Variants in SBF2 observed in about 807,000 individuals in gnomAD.
The protein encoded by SBF2 is myotubularin-related protein 13.
In SBF2, 112 loss-of-function variants were observed where a neutral mutation model predicts 225.2. The observed-to-expected ratio is 0.50, with a 90% CI of 0.43 to 0.58. SBF2 has a LOEUF of 0.58. Among genes scored for constraint, SBF2 ranks in the 20% least tolerant of loss-of-function variants. The pLI is 0.00. For synonymous variants in SBF2, 763 were observed against 773.3 expected, an observed-to-expected ratio of 0.99 and a Z score of 0.22; for missense variants, 1,996 against 2,206.2, an observed-to-expected ratio of 0.90 and a Z score of 1.91.
chr11:10,144,413 G>C (rs758866173), intron 2 of SBF2, among the ~76,000 whole-genome samples: 1 of 152,070 alleles, frequency 6.6e-6, no homozygotes, highest in Non-Finnish European at 1.5e-5. Context: ...GCTTGAGCCC[G>C]AAAGGTGGAG....
intron 2 of SBF2, among the ~76,000 whole-genome samples, chr11:10,122,926 A>T (rs1417284806): frequency 1.3e-5 from 2 of 152,204 alleles, no homozygotes; most frequent in Admixed American, 1.3e-4. Context: ...AGAAATATGC[A>T]TAGCTTGTAC....
chr11:9,828,073 T>A (rs1855170382), intron 28 of SBF2: 2 of 1,082,434 alleles, frequency 1.8e-6, no homozygotes, highest in South Asian at 1.4e-5. Flanking sequence ...AGAAAAATGC[T>A]TTCTGCTTTT....
intron 6 of SBF2, among the ~76,000 whole-genome samples, chr11:10,013,530 T>G (rs921864095): frequency 6.6e-6 from 1 of 152,258 alleles, no homozygotes; most frequent in Non-Finnish European, 1.5e-5. Flanking sequence ...TCAACAACTT[T>G]GTCTAGTTTA....
At chr11:10,090,638 G>A (rs970736141) in intron 2 of SBF2, among the ~76,000 whole-genome samples, 1 of 151,788 alleles carries the variant, frequency 6.6e-6, no homozygotes, top group Non-Finnish European at 1.5e-5. Flanking sequence ...GGTCACACAC[G>A]CCTGTAGTCC....
chr11:10,284,679 C>G lies in SBF2; in HGVS notation c.55+9336G>C, dbSNP rs576681885. ...AGGCTGGAGTACAATGGCAAAAACA[C>G]AGCTCACTGCAGCCTCGACCTCCTG... On this transcript the variant is annotated intron_variant, in intron 1 of 39. Coordinates refer to ENST00000256190, the MANE Select transcript of SBF2 (RefSeq NM_030962.4). Among the ~76,000 whole-genome samples the G allele has an allele frequency of 1.2e-4, 18 of 152,250 alleles. 1 individual carries two copies. In the East Asian group the frequency reaches 3.3e-3, roughly 28 times the overall value.
chr11:10,086,013 A>G (rs1354541600), intron 2 of SBF2, among the ~76,000 whole-genome samples: 2 of 121,946 alleles, frequency 1.6e-5, no homozygotes, highest in African/African-American at 3.2e-5. Flanking sequence ...GTCAAAAGAT[A>G]TAAGTGGAGG....
chr11:9,943,937 A>ATTACAACACTGTGTTTAG (rs1332409203), intron 16 of SBF2, among the ~76,000 whole-genome samples: 1 of 152,218 alleles, frequency 6.6e-6, no homozygotes, highest in South Asian at 2.1e-4. Flanking sequence ...AGGAATGGTC[A>ATTACAACACTGTGTTTAG]TTACAACACT....
chr11:9,930,746 G>A (rs903427790), intron 16 of SBF2, among the ~76,000 whole-genome samples: 4 of 152,218 alleles, frequency 2.6e-5, no homozygotes, highest in African/African-American at 9.6e-5. Context: ...ATTGGGACTG[G>A]TTGGACAGTG....
At chr11:10,172,183 G>C (rs1956224707) in intron 2 of SBF2, among the ~76,000 whole-genome samples, 1 of 151,778 alleles carries the variant, frequency 6.6e-6, no homozygotes, top group South Asian at 2.1e-4. Flanking sequence ...TCTTGGGTTT[G>C]GTTTGCTCTT....
At chr11:9,960,019 T>G (rs565800861) in intron 16 of SBF2, 5 of 283,824 alleles carry the variant, frequency 1.8e-5, no homozygotes, top group South Asian at 1.5e-4. Context: ...GGGGTCTTGA[T>G]AAGTTGTCTA....
chr11:10,031,752 T>A (rs917944887), intron 3 of SBF2, among the ~76,000 whole-genome samples: 1 of 152,186 alleles, frequency 6.6e-6, no homozygotes, highest in Non-Finnish European at 1.5e-5. Context: ...GAACTCTGTT[T>A]CCGTTTTTGA....
chr11:10,032,031 T>G (rs1276378444), intron 3 of SBF2, among the ~76,000 whole-genome samples: 1 of 152,204 alleles, frequency 6.6e-6, no homozygotes, highest in Non-Finnish European at 1.5e-5. Context: ...TGAGCCATCA[T>G]GCTTGGCTGA....
At chr11:10,045,045 A>G (rs1440706513) in intron 2 of SBF2, among the ~76,000 whole-genome samples, 1 of 152,148 alleles carries the variant, frequency 6.6e-6, no homozygotes, top group Admixed American at 6.5e-5. Context: ...GCTTCAGCAC[A>G]GTGTGGGACC....
intron 13 of SBF2, among the ~76,000 whole-genome samples, chr11:9,987,552 A>G (rs1448732229): frequency 6.6e-6 from 1 of 152,188 alleles, no homozygotes; most frequent in African/African-American, 2.4e-5. Context: ...CCTAGAACTG[A>G]TAAAAGAATT....
rs540979028 is a variant in SBF2 at position 10,160,453 on chromosome 11, GAGGAAAAAAGGAAGA to G, written c.141+33434_141+33448del. Among the ~76,000 whole-genome samples the G allele has an allele frequency of 6.9e-3, 1,050 of 152,112 alleles. 8 individuals are homozygous for G. Among genetic ancestry groups the G allele is most frequent in the South Asian group, 0.039 (187 of 4,820 alleles). ...GATCTGGCCAGAGAAGAGGCAAAGA[GAGGAAAAAAGGAAGA>G]AGGAAAAAAGGAAAGACAGGAGGAA... On this transcript the variant is annotated intron_variant, in intron 2 of 39. Coordinates refer to ENST00000256190, the MANE Select transcript of SBF2 (RefSeq NM_030962.4).
rs559285890 is a variant in SBF2, at chr11:10,280,101, G to A, written c.55+13914C>T. On this transcript the variant is annotated intron_variant, in intron 1 of 39. Coordinates refer to ENST00000256190, the MANE Select transcript of SBF2 (RefSeq NM_030962.4). ...TTGAGCATCCCTAATTCAAAAATCC[G>A]AAATCCAAAATGCTCTAATGAGCAT... 1.1e-4 allele frequency among the ~76,000 whole-genome samples: 16 copies of A among 152,140 alleles called. 1 individual carries two copies. In the South Asian group the frequency reaches 2.7e-3, roughly 26 times the overall value.
intron 1 of SBF2, among the ~76,000 whole-genome samples, chr11:10,288,797 G>C (rs1190807564): frequency 6.6e-6 from 1 of 152,170 alleles, no homozygotes; most frequent in African/African-American, 2.4e-5. Flanking sequence ...TCTGGGCTGA[G>C]CCTGCAACTT....
At position 9,797,977 on chromosome 11, in the gene SBF2, T is replaced by TCA. The variant is rs139110808; in HGVS notation, c.4444-2021_4444-2020insTG. Among the ~76,000 whole-genome samples the TCA allele has an allele frequency of 7.0e-3, 1,056 of 151,704 alleles. 10 individuals are homozygous for TCA. Among genetic ancestry groups the TCA allele is most frequent in the African/African-American group, 0.024 (1,005 of 41,154 alleles). The stretch of plus-strand genomic sequence containing the variant: ...GACAGAGTGAGACCCTGTCTCTGAA[T>TCA]GAATGAATGAATGAATGAATAAATG... On this transcript the variant is annotated intron_variant, in intron 32 of 39. Transcript: ENST00000256190.
chr11:9,784,944 T>G, intron 37 of SBF2, 181 bp downstream of exon 37: 1 of 658,372 alleles, frequency 1.5e-6, no homozygotes, highest in East Asian at 2.7e-5. Context: ...TATTTTTAGT[T>G]GTAATTTTTG....
Sources: gnomAD v4.1 joint callset for allele counts (sites outside exome capture counted in the v4.1 genomes callset) on GRCh38, gnomAD v4.1.1 for gene constraint, MANE v1.5 for transcripts, NCBI Gene and HGNC (gene_info 2026-07-23, HGNC 2026-07-21) for gene names.